Variants in TJP1 observed in about 807,000 individuals in gnomAD.
The protein encoded by TJP1 is tight junction protein ZO-1.
TJP1 carries 43 observed loss-of-function variants against 194.2 expected under a neutral mutation model. The observed-to-expected ratio is 0.22, with a 90% CI of 0.17 to 0.29. The LOEUF (loss-of-function observed/expected upper bound fraction) is 0.29, where lower values mean the gene tolerates loss of function less well. Ranked by LOEUF, TJP1 falls within the 10% of genes least tolerant of loss-of-function variation. TJP1 has a pLI of 1.00. For missense variants in TJP1, 1,971 were observed against 2,185.7 expected (o/e 0.90, Z 1.96); for synonymous variants, 801 against 779.0 (o/e 1.03, Z -0.47).
At chr15:29,810,178 T>C (rs543007767) in intron 1 of TJP1, among the ~76,000 whole-genome samples, 1 of 152,300 alleles carries the variant, frequency 6.6e-6, no homozygotes, top group Admixed American at 6.5e-5. Flanking sequence ...TGAAAAGATA[T>C]CTGGCATTTG....
At chr15:29,714,297 G>A (rs1336406387) in intron 23 of TJP1, among the ~76,000 whole-genome samples, 4 of 151,756 alleles carry the variant, frequency 2.6e-5, no homozygotes, top group African/African-American at 9.7e-5. Context: ...GGAGTGCAGT[G>A]GCGCGATCTC....
At chr15:29,756,945 A>C (rs1245753660) in intron 8 of TJP1, among the ~76,000 whole-genome samples, 1 of 152,218 alleles carries the variant, frequency 6.6e-6, no homozygotes, top group Non-Finnish European at 1.5e-5. Context: ...GGAAATTCTA[A>C]CTTATGATAC....
chr15:29,736,069 A>G (rs1411300668), intron 11 of TJP1, among the ~76,000 whole-genome samples: 1 of 152,206 alleles, frequency 6.6e-6, no homozygotes, highest in Non-Finnish European at 1.5e-5. Flanking sequence ...TGGCAGTATT[A>G]TGGAATCTAA....
chr15:29,845,453 A>G (rs2152073142), intron 2 of TJP1, among the ~76,000 whole-genome samples: 1 of 152,298 alleles, frequency 6.6e-6, no homozygotes, highest in South Asian at 2.1e-4. Context: ...AGGTGGAGTG[A>G]CAAGAAGACA....
chr15:29,963,495 A>G (rs1225089770), intron 1 of TJP1, among the ~76,000 whole-genome samples: 2 of 152,214 alleles, frequency 1.3e-5, no homozygotes, highest in South Asian at 2.1e-4. Flanking sequence ...AATGAATAGC[A>G]ACTCTTATTG....
chr15:29,852,446 G>A (rs570521160), intron 2 of TJP1, among the ~76,000 whole-genome samples: 2 of 152,156 alleles, frequency 1.3e-5, no homozygotes, highest in Non-Finnish European at 2.9e-5. Context: ...ATACCTATTT[G>A]GTGACAGCAC....
chr15:29,704,429 G>A lies in TJP1; in HGVS notation c.5069-124C>T, dbSNP rs546140877. 52 of 1,119,448 alleles carry A rather than the reference G, an allele frequency of 4.6e-5. No individual in the cohort carries two copies. The Admixed American group carries it at 1.2e-3, about 26-fold the overall frequency. The allele number at this position is 1,119,448 out of a possible 1,614,324, so 69.3% of individuals were successfully genotyped here. On this transcript the variant is annotated intron_variant, in intron 26 of 27. Coordinates refer to ENST00000614355, the MANE Select transcript of TJP1 (RefSeq NM_001330239.4). ...CTAATGGAGTTAGTTCTCTACAGTC[G>A]CACTGACCACAAAAAAACGTAACAG...
At chr15:29,819,325 T>A (rs1265574203) in intron 1 of TJP1, among the ~76,000 whole-genome samples, 1 of 151,876 alleles carries the variant, frequency 6.6e-6, no homozygotes, top group Non-Finnish European at 1.5e-5. Context: ...ATATTCGTAG[T>A]TTTCCACCTT....
At position 29,737,255 on chromosome 15, in the gene TJP1, C is replaced by A. The variant is rs1473166697; in HGVS notation, c.1407+9G>T. The A allele has an allele frequency of 1.2e-6, 2 of 1,612,686 alleles. No individual in the cohort carries two copies. The highest frequency in any genetic ancestry group is 1.7e-6 in the Non-Finnish European group (2 of 1,179,238). On this transcript the variant is annotated intron_variant, in intron 11 of 27. Transcript: ENST00000614355. ...TTTTTAACCCACATAAGTTGCAATACTGACATACCCTGAGAATTTGATCAC... is the reference window on the plus strand; with the variant it reads ...TTTTTAACCCACATAAGTTGCAATAATGACATACCCTGAGAATTTGATCAC...
intron 1 of TJP1, among the ~76,000 whole-genome samples, chr15:29,965,283 C>T (rs962728624): frequency 2.6e-5 from 4 of 152,004 alleles, no homozygotes; most frequent in African/African-American, 9.7e-5. Flanking sequence ...AATCTCGGCT[C>T]ACTGCAACCT....
chr15:29,893,359 C>G (rs2053374550), intron 2 of TJP1, among the ~76,000 whole-genome samples: 1 of 152,194 alleles, frequency 6.6e-6, no homozygotes, highest in South Asian at 2.1e-4. Flanking sequence ...TTAGAATACT[C>G]ATAAACTTAG....
chr15:29,734,488 C>CTTT (rs11398830), intron 11 of TJP1, 106 bp from the exon 12 acceptor site: 922 of 555,012 alleles, frequency 1.7e-3, no homozygotes, highest in Middle Eastern at 2.9e-3. Context: ...AATATCACAT[C>CTTT]TTTTTTTTTT....
intron 1 of TJP1, among the ~76,000 whole-genome samples, chr15:29,956,842 C>T (rs927407335): frequency 6.6e-6 from 1 of 152,118 alleles, no homozygotes; most frequent in Non-Finnish European, 1.5e-5. Flanking sequence ...TGAGCCACCA[C>T]TGCACTCCAG....
intron 24 of TJP1, among the ~76,000 whole-genome samples, chr15:29,709,766 T>C (rs557960322): frequency 2.1e-4 from 32 of 152,278 alleles, no homozygotes; most frequent in South Asian, 1.2e-3. Flanking sequence ...CCTTCCTCCT[T>C]AAAATCAGGA....
chr15:29,920,264 T>C (rs1026401591), intron 2 of TJP1, among the ~76,000 whole-genome samples: 1 of 152,140 alleles, frequency 6.6e-6, no homozygotes, highest in Non-Finnish European at 1.5e-5. Flanking sequence ...CAGGTAAAAA[T>C]AAAGCCCAAG....
intron 2 of TJP1, among the ~76,000 whole-genome samples, chr15:29,911,117 C>A (rs977870742): frequency 3.3e-5 from 5 of 152,160 alleles, no homozygotes; most frequent in African/African-American, 1.2e-4. Flanking sequence ...ATACATTTAC[C>A]TGCATTGGTA....
At chr15:29,699,829 G>A (rs1050415617), downstream of TJP1, 3 of 158,140 alleles carry the variant, frequency 1.9e-5, no homozygotes, top group South Asian at 2.1e-4. Context: ...ATGGTTACAC[G>A]CACACACACA....
intron 2 of TJP1, among the ~76,000 whole-genome samples, chr15:29,864,704 C>T (rs1169177608): frequency 6.6e-6 from 1 of 152,090 alleles, no homozygotes; most frequent in African/African-American, 2.4e-5. Flanking sequence ...TGTTGTGGGC[C>T]TGGCAGGAAC....
intron 2 of TJP1, among the ~76,000 whole-genome samples, chr15:29,906,209 A>C (rs543532796): frequency 1.4e-4 from 22 of 152,228 alleles, no homozygotes; most frequent in African/African-American, 5.3e-4. Context: ...GCGGTGGCTC[A>C]CGCCTATAAT....
Sources: allele counts gnomAD v4.1 joint callset (sites outside exome capture counted in the v4.1 genomes callset), GRCh38; gene constraint gnomAD v4.1.1; transcripts MANE v1.5; gene names NCBI Gene and HGNC (gene_info 2026-07-23, HGNC 2026-07-21).